Variants in P2RX6 observed in about 807,000 individuals in gnomAD.
P2RX6 encodes the protein P2X purinoceptor 6.
P2RX6 carries 62 observed loss-of-function variants against 54.2 expected under a neutral mutation model. The ratio of observed to expected loss-of-function variants is 1.14; its 90% CI spans 0.93 to 1.41. P2RX6 has a LOEUF of 1.41. Ranked by LOEUF, P2RX6 falls within the 40% of genes most tolerant of loss-of-function variation. The pLI is 0.00. For missense variants in P2RX6, 541 were observed against 566.3 expected (o/e 0.96, Z 0.45); for synonymous variants, 211 against 231.9 (o/e 0.91, Z 0.82).
upstream of P2RX6, chr22:21,012,750 C>G (rs1601737720): frequency 3.3e-6 from 1 of 306,380 alleles, no homozygotes; most frequent in Admixed American, 4.8e-5. Flanking sequence ...AAAGTACCCC[C>G]CTTTCCACCT....
At chr22:21,022,150 T>C (rs779840751) in intron 3 of P2RX6, among the ~76,000 whole-genome samples, 6 of 152,096 alleles carry the variant, frequency 3.9e-5, no homozygotes, top group Non-Finnish European at 7.4e-5. Flanking sequence ...GAAGGATTGC[T>C]TGAGGCCAGG....
At chr22:21,025,763 G>A (rs1928319433) in intron 8 of P2RX6, 42 bp from the exon 9 acceptor site, 3 of 1,482,438 alleles carry the variant, frequency 2.0e-6, no homozygotes, top group Admixed American at 2.0e-5. Flanking sequence ...CCACCTGGGG[G>A]TGGGCAAAGC....
At chr22:21,017,197 G>A (rs774692696) in intron 2 of P2RX6, among the ~76,000 whole-genome samples, 27 of 152,124 alleles carry the variant, frequency 1.8e-4, no homozygotes, top group Non-Finnish European at 3.5e-4. Context: ...AGCCTGCAGC[G>A]CCTGCTTCTA....
intron 3 of P2RX6, 64 bp downstream of exon 3, chr22:21,018,124 C>A: frequency 1.9e-6 from 2 of 1,041,524 alleles, no homozygotes; most frequent in Non-Finnish European, 3.0e-6. Flanking sequence ...GGGGGCCACC[C>A]GTGTTTCCCT....
At position 21,027,897 on chromosome 22, in the gene P2RX6, C is replaced by A. The variant is rs968198004; in HGVS notation, c.*1280C>A. 1.3e-5 allele frequency: 2 copies of A among 152,200 alleles called. No individual in the cohort carries two copies. The highest frequency in any genetic ancestry group is 1.3e-4 in the Admixed American group (2 of 15,278). The allele number at this position is 152,200 out of a possible 1,614,324, so 9.4% of individuals were successfully genotyped here. ...GAAGGGCGAAGGTGGGAGAGCAGGG[C>A]CCCTGAGGCCTGGGTATCCAAGGAG... On this transcript the variant is annotated 3_prime_UTR_variant, in exon 12 of 12. Coordinates refer to ENST00000413302, the MANE Select transcript of P2RX6 (RefSeq NM_005446.5).
intron 8 of P2RX6, among the ~76,000 whole-genome samples, chr22:21,025,022 A>G (rs1382748053): frequency 6.6e-6 from 1 of 150,906 alleles, no homozygotes; most frequent in Non-Finnish European, 1.5e-5. Context: ...CTGTGATTAC[A>G]GGTGCACACC....
chr22:21,016,788 T>C (rs927963105), intron 2 of P2RX6, among the ~76,000 whole-genome samples: 6 of 152,004 alleles, frequency 3.9e-5, no homozygotes, highest in Non-Finnish European at 7.4e-5. Context: ...CGGCTGCGTT[T>C]TCCTCCTCCC....
intron 3 of P2RX6, 112 bp downstream of exon 3, chr22:21,018,172 C>T (rs375150697): frequency 8.7e-5 from 64 of 735,020 alleles, no homozygotes; most frequent in South Asian, 5.0e-4. Context: ...AGCCTGTGCT[C>T]GGTGTCCCCC....
chr22:21,020,020 C>A (rs1270769663), intron 3 of P2RX6, among the ~76,000 whole-genome samples: 2 of 152,200 alleles, frequency 1.3e-5, no homozygotes, highest in Non-Finnish European at 2.9e-5. Flanking sequence ...TGTCACAGTG[C>A]TGCAGAGATT....
chr22:21,022,704 G>A lies in P2RX6; in HGVS notation c.416G>A (p.Trp139Ter). Residue 139 changes from tryptophan to a stop codon, truncating the protein, a stop_gained, in exon 4 of 12, where the codon TGG becomes TAG. Coordinates refer to ENST00000413302, the MANE Select transcript of P2RX6 (RefSeq NM_005446.5). LOFTEE classifies it high-confidence loss of function. ...EHPSVPLANC[W>*]VDEDCPEGEG... ...CCGTCCGTCCCACTGGCTAACTGCT[G>A]GGTCGACGAGGACTGCCCCGAAGGG... The A allele has an allele frequency of 6.3e-7, 1 of 1,575,702 alleles. No homozygotes were observed. Among genetic ancestry groups the A allele is most frequent in the Non-Finnish European group, 8.6e-7 (1 of 1,162,238 alleles).
At chr22:21,023,677 G>T in intron 8 of P2RX6, 59 bp downstream of exon 8, 3 of 1,269,006 alleles carry the variant, frequency 2.4e-6, no homozygotes, top group Non-Finnish European at 3.4e-6. Flanking sequence ...TCACTGTGGC[G>T]GCCAGGACAG....
upstream of P2RX6, chr22:21,011,330 C>CAA: frequency 3.6e-6 from 2 of 555,420 alleles, no homozygotes; most frequent in Non-Finnish European, 6.5e-6. Flanking sequence ...CCCCACCCAT[C>CAA]CCTGCCCCAG....
intron 8 of P2RX6, 111 bp downstream of exon 8, chr22:21,023,729 G>T: frequency 1.3e-6 from 1 of 748,114 alleles, no homozygotes; most frequent in South Asian, 1.7e-5. Flanking sequence ...CACTACGTGT[G>T]CAAGGGGGTC....
intron 2 of P2RX6, among the ~76,000 whole-genome samples, chr22:21,017,430 C>T (rs1485461155): frequency 6.6e-6 from 1 of 152,236 alleles, no homozygotes; most frequent in African/African-American, 2.4e-5. Flanking sequence ...CCTCTTCTCC[C>T]TTGGCCCCTG....
At chr22:21,014,807 C>A (rs1926052625), upstream of P2RX6, among the ~76,000 whole-genome samples, 1 of 152,208 alleles carries the variant, frequency 6.6e-6, no homozygotes, top group Non-Finnish European at 1.5e-5. Context: ...TTAGAGGTCA[C>A]TTCTTCCGGA....
chr22:21,014,805 C>T (rs1926052226), upstream of P2RX6, among the ~76,000 whole-genome samples: 3 of 152,176 alleles, frequency 2.0e-5, no homozygotes, highest in Admixed American at 6.5e-5. Flanking sequence ...GCTTAGAGGT[C>T]ACTTCTTCCG....
upstream of P2RX6, among the ~76,000 whole-genome samples, chr22:21,014,613 G>C (rs1324417970): frequency 6.6e-6 from 1 of 152,222 alleles, no homozygotes; most frequent in Non-Finnish European, 1.5e-5. Flanking sequence ...CTGCACTGGG[G>C]AAGGTGGCGG....
intron 3 of P2RX6, among the ~76,000 whole-genome samples, chr22:21,019,777 T>C (rs1927038643): frequency 6.6e-6 from 1 of 152,266 alleles, no homozygotes; most frequent in Non-Finnish European, 1.5e-5. Context: ...ATAAGCATTG[T>C]TTCTATAGAT....
upstream of P2RX6, chr22:21,011,644 C>G (rs1356708148): frequency 5.7e-6 from 4 of 700,588 alleles, no homozygotes; most frequent in Non-Finnish European, 1.1e-5. Context: ...GGTACCACCC[C>G]CCTCCCCCCT....
Sources: gnomAD v4.1 joint callset for allele counts (sites outside exome capture counted in the v4.1 genomes callset) on GRCh38, gnomAD v4.1.1 for gene constraint, MANE v1.5 for transcripts, NCBI Gene and HGNC (gene_info 2026-07-23, HGNC 2026-07-21) for gene names.